The following RUFY3 variants were observed in gnomAD, a reference collection of about 807,000 sequenced individuals.
RUFY3 encodes protein RUFY3.
RUFY3 carries 34 observed loss-of-function variants against 84.0 expected under a neutral mutation model. The observed-to-expected ratio is 0.40, with a 90% CI of 0.31 to 0.54. The LOEUF (loss-of-function observed/expected upper bound fraction) is 0.54, where lower values mean the gene tolerates loss of function less well. Ranked by LOEUF, RUFY3 falls within the 20% of genes least tolerant of loss-of-function variation. The pLI is 0.39. For missense variants in RUFY3, 507 were observed against 736.8 expected, an observed-to-expected ratio of 0.69 and a Z score of 3.61; for synonymous variants, 242 against 252.9, an observed-to-expected ratio of 0.96 and a Z score of 0.41.
Position 70,764,946 on chromosome 4 carries a change from G to A in RUFY3, c.572+370G>A, listed in dbSNP as rs113881137. On this transcript the variant is annotated intron_variant, in intron 4 of 17. Transcript: ENST00000381006. ...CACGCCTGTAATCCCAGCATTTCGG[G>A]AGGCCAAGGTGGGCAGACCACTTGA... Among the ~76,000 whole-genome samples the A allele has an allele frequency of 2.7e-3, 407 of 152,204 alleles. 2 individuals carry two copies. The highest frequency in any genetic ancestry group is 9.6e-3 in the African/African-American group (397 of 41,508).
chr4:70,768,083 C>T (rs946675669), intron 4 of RUFY3, among the ~76,000 whole-genome samples: 3 of 152,158 alleles, frequency 2.0e-5, no homozygotes, highest in Admixed American at 1.3e-4. Flanking sequence ...AGTCCTCCCG[C>T]CTTGGTCTCC....
At chr4:70,760,691 C>T (rs1238992015) in intron 1 of RUFY3, among the ~76,000 whole-genome samples, 1 of 152,050 alleles carries the variant, frequency 6.6e-6, no homozygotes, top group Non-Finnish European at 1.5e-5. Flanking sequence ...ATTTTGCTGT[C>T]CTCTTGTGAG....
rs981374863 is a variant in RUFY3 at position 70,792,297 on chromosome 4, A to T, written c.1338-1488A>T. On this transcript the variant is annotated intron_variant, in intron 12 of 17. Transcript: ENST00000381006. ...CTTTTTGTTCAGATGGGGATTTGCT[A>T]AAGGTTCTGGGAAGCTAATAATTGA... is the stretch of plus-strand genomic sequence containing the variant. The T allele has an allele frequency of 1.4e-5, 14 of 981,084 alleles. No individual in the cohort carries two copies. The African/African-American group carries it at 2.4e-4, about 17-fold the overall frequency. 60.8% of individuals were successfully genotyped at this position (981,084 alleles called of 1,614,324 possible).
chr4:70,706,667 C>A (rs947387240), intron 1 of RUFY3, among the ~76,000 whole-genome samples: 2 of 152,176 alleles, frequency 1.3e-5, no homozygotes, highest in Admixed American at 1.3e-4. Flanking sequence ...AGTGTTCACA[C>A]CTCCTTATTA....
At chr4:70,789,793 G>A in intron 12 of RUFY3, 3 of 1,211,030 alleles carry the variant, frequency 2.5e-6, no homozygotes, top group Non-Finnish European at 3.1e-6. Context: ...TCAATCACTT[G>A]ACTAGCCTTT....
At chr4:70,728,755 G>A (rs1469614778) in intron 1 of RUFY3, among the ~76,000 whole-genome samples, 1 of 152,040 alleles carries the variant, frequency 6.6e-6, no homozygotes, top group Non-Finnish European at 1.5e-5. Flanking sequence ...TGAGTGGCAG[G>A]CAAGTTAAAA....
At chr4:70,707,710 C>CAAA in intron 1 of RUFY3, among the ~76,000 whole-genome samples, 1 of 137,782 alleles carries the variant, frequency 7.3e-6, no homozygotes, top group African/African-American at 2.6e-5. Flanking sequence ...TTCATATTAG[C>CAAA]AAAAAAAAAA....
chr4:70,732,771 TG>T (rs72364778), intron 1 of RUFY3, among the ~76,000 whole-genome samples: 73,130 of 142,006 alleles, frequency 0.51, 20,038 homozygotes, highest in African/African-American at 0.77. Context: ...GGTAGGGGGC[TG>T]GGGGGAGGGA....
intron 1 of RUFY3, among the ~76,000 whole-genome samples, chr4:70,729,143 T>G (rs1204318722): frequency 6.6e-6 from 1 of 152,210 alleles, no homozygotes; most frequent in Non-Finnish European, 1.5e-5. Flanking sequence ...AGAGATAATA[T>G]AGGATAGTGG....
chr4:70,712,067 A>C (rs779773324), intron 1 of RUFY3, among the ~76,000 whole-genome samples: 1 of 152,214 alleles, frequency 6.6e-6, no homozygotes, highest in Admixed American at 6.5e-5. Flanking sequence ...TCATAGACTC[A>C]TTCTTTGTAG....
At position 70,722,543 on chromosome 4, in the gene RUFY3, G is replaced by C. The variant is rs748322968; in HGVS notation, c.-31G>C. ...TGTGTGTGTGAGTGTGTGTGTGTCT[G>C]TGTGTGTGTTGTGGTCCCAGCTGAG... is the stretch of plus-strand genomic sequence containing the variant. On this transcript the variant is annotated 5_prime_UTR_variant, in exon 1 of 18. Transcript: ENST00000381006. 12 of 1,589,256 alleles carry C rather than the reference G, an allele frequency of 7.6e-6. No homozygotes were observed. The South Asian group carries it at 9.1e-5, about 12-fold the overall frequency.
rs149462823 is a variant in RUFY3 at position 70,708,554 on chromosome 4, C to G, written c.358+3260C>G. The stretch of plus-strand genomic sequence containing the variant: ...ATATTACGATGACTGGCATCTGCCT[C>G]TTTAGCAACCCAATTTTTAACTCTC... On this transcript the variant is annotated intron_variant, in intron 1 of 11. Coordinates refer to the RUFY3 transcript ENST00000417478. 4.0e-3 allele frequency among the ~76,000 whole-genome samples: 613 copies of G among 152,268 alleles called. 4 individuals are homozygous for G. The highest frequency in any genetic ancestry group is 0.014 in the African/African-American group (576 of 41,544).
At chr4:70,744,764 C>T (rs1164065542) in intron 1 of RUFY3, among the ~76,000 whole-genome samples, 3 of 151,222 alleles carry the variant, frequency 2.0e-5, no homozygotes, top group East Asian at 1.9e-4. Context: ...AAGCAATTCT[C>T]CTGCCTCAGC....
At chr4:70,764,754 G>A (rs188228849) in intron 4 of RUFY3, among the ~76,000 whole-genome samples, 178 bp downstream of exon 4, 29 of 152,260 alleles carry the variant, frequency 1.9e-4, no homozygotes, top group Admixed American at 1.8e-3. Context: ...TATGTTATGT[G>A]TGTTCTGTCT....
chr4:70,794,697 TA>T, intron 13 of RUFY3, 97 bp from the exon 14 acceptor site: 1 of 771,820 alleles, frequency 1.3e-6, no homozygotes, highest in Non-Finnish European at 2.2e-6. Flanking sequence ...TAACCATTCG[TA>T]ATTACTGCAC....
rs191424140 is a variant in RUFY3, at chr4:70,775,147, A to C, written c.759-21A>C. ...TTCTTATGTTATTTATTTTATTTCT[A>C]TTTTCTTCCCCTTCCCCCAGAGACG... On this transcript the variant is annotated intron_variant, in intron 6 of 17. Coordinates refer to ENST00000381006, the MANE Select transcript of RUFY3 (RefSeq NM_001037442.4). 3.5e-3 allele frequency: 5,473 copies of C among 1,563,932 alleles called. 23 individuals carry two copies. Among genetic ancestry groups the C allele is most frequent in the Non-Finnish European group, 4.2e-3 (4,776 of 1,144,300 alleles).
chr4:70,722,988 C>A (rs529100344), intron 1 of RUFY3, among the ~76,000 whole-genome samples: 2 of 152,074 alleles, frequency 1.3e-5, no homozygotes, highest in Admixed American at 6.6e-5. Flanking sequence ...GTTTAGAGTT[C>A]TTTGTCTTTA....
chr4:70,739,268 G>A (rs985381855), intron 1 of RUFY3, among the ~76,000 whole-genome samples: 13 of 151,956 alleles, frequency 8.6e-5, no homozygotes, highest in African/African-American at 3.1e-4. Context: ...GGTTTATTTA[G>A]GTTGACTAAT....
chr4:70,792,337 AT>A, intron 12 of RUFY3: 1 of 972,612 alleles, frequency 1.0e-6, no homozygotes, highest in Non-Finnish European at 1.2e-6. Context: ...TTAGAAAAAC[AT>A]TTCAGAATAG....
Sources: gnomAD v4.1 joint callset for allele counts (sites outside exome capture counted in the v4.1 genomes callset) on GRCh38, gnomAD v4.1.1 for gene constraint, MANE v1.5 for transcripts, NCBI Gene and HGNC (gene_info 2026-07-23, HGNC 2026-07-21) for gene names.